Variants in NBEA observed in about 807,000 individuals in gnomAD.
The protein encoded by NBEA is lysosomal-trafficking regulator 2.
Under a neutral mutation model 343.4 loss-of-function variants are expected in NBEA, and 44 were observed. The ratio of observed to expected loss-of-function variants is 0.13; its 90% CI spans 0.10 to 0.16. NBEA has a LOEUF of 0.16. NBEA is among the 10% of genes least tolerant of loss of function. The pLI, the probability that NBEA is intolerant of heterozygous loss-of-function variation, is 1.00. For missense variants in NBEA, 2,555 were observed against 3,631.3 expected (o/e 0.70, Z 7.62); for synonymous variants, 1,175 against 1,238.7 (o/e 0.95, Z 1.08).
chr13:35,584,313 C>A (rs964056446), intron 46 of NBEA, among the ~76,000 whole-genome samples: 3 of 145,534 alleles, frequency 2.1e-5, no homozygotes, highest in Non-Finnish European at 4.5e-5. Flanking sequence ...TGAGTACATA[C>A]CTTTTTTTTT....
At chr13:34,959,545 A>G (rs1356730831) in intron 1 of NBEA, among the ~76,000 whole-genome samples, 1 of 152,086 alleles carries the variant, frequency 6.6e-6, no homozygotes, top group Non-Finnish European at 1.5e-5. Flanking sequence ...ATAAAAAAAA[A>G]TGTTCATTTT....
chr13:35,125,792 T>A (rs919061503), intron 17 of NBEA, among the ~76,000 whole-genome samples: 1 of 152,110 alleles, frequency 6.6e-6, no homozygotes, highest in Non-Finnish European at 1.5e-5. Flanking sequence ...GCATTTTGAT[T>A]TAAAAATTTC....
chr13:35,011,140 C>T (rs912476989), intron 1 of NBEA, among the ~76,000 whole-genome samples: 1 of 151,814 alleles, frequency 6.6e-6, no homozygotes, highest in Non-Finnish European at 1.5e-5. Context: ...GGTAGTTCAT[C>T]CACAAGAGAA....
At chr13:35,066,857 C>T (rs944311134) in intron 8 of NBEA, among the ~76,000 whole-genome samples, 14 of 151,668 alleles carry the variant, frequency 9.2e-5, no homozygotes, top group Non-Finnish European at 1.9e-4. Flanking sequence ...TTTATTTCTT[C>T]TTTACTGCTT....
chr13:35,612,355 A>AT lies in NBEA; in HGVS notation c.7449+5778dup, dbSNP rs2082559839. Among the ~76,000 whole-genome samples, 5 of 152,030 alleles carry AT rather than the reference A, an allele frequency of 3.3e-5. No homozygotes were observed. The South Asian group carries it at 1.0e-3, about 32-fold the overall frequency. On this transcript the variant is annotated intron_variant, in intron 48 of 58. Transcript: ENST00000379939. ...CACCGTGTTAGCCAGAGTGGTCTCG[A>AT]TCTCCTGACCTCATGATCTGCCCAC...
At chr13:35,656,943 G>A (rs2153082748) in intron 55 of NBEA, among the ~76,000 whole-genome samples, 1 of 152,290 alleles carries the variant, frequency 6.6e-6, no homozygotes, top group East Asian at 1.9e-4. Context: ...ACATTGCGTG[G>A]CTGGCTGCTG....
At chr13:35,478,332 C>A (rs2075971732) in intron 41 of NBEA, among the ~76,000 whole-genome samples, 1 of 152,194 alleles carries the variant, frequency 6.6e-6, no homozygotes, top group Admixed American at 6.5e-5. Flanking sequence ...TCTGGGAACA[C>A]CCAAAAAACC....
chr13:35,158,368 G>T (rs1040228660), intron 21 of NBEA, among the ~76,000 whole-genome samples: 5 of 151,946 alleles, frequency 3.3e-5, no homozygotes, highest in African/African-American at 1.2e-4. Flanking sequence ...ATTTTGTGAA[G>T]TATTGACACC....
chr13:35,140,333 CAT>C (rs141816361), intron 17 of NBEA, among the ~76,000 whole-genome samples: 1,662 of 152,178 alleles, frequency 0.011, 13 homozygotes, highest in Non-Finnish European at 0.018. Context: ...CTAATTTAGA[CAT>C]ATGTTTACCA....
At chr13:35,356,491 A>G (rs1462689061) in intron 38 of NBEA, among the ~76,000 whole-genome samples, 1 of 152,188 alleles carries the variant, frequency 6.6e-6, no homozygotes, top group Non-Finnish European at 1.5e-5. Context: ...CAACTTGTAA[A>G]TGCAAGAAAA....
chr13:35,312,345 A>AG (rs1212936964), intron 36 of NBEA, among the ~76,000 whole-genome samples: 1 of 151,620 alleles, frequency 6.6e-6, no homozygotes, highest in Non-Finnish European at 1.5e-5. Flanking sequence ...CAGCCAAGTG[A>AG]GAAAAAAAAG....
At chr13:35,422,388 A>G (rs2044346507) in intron 38 of NBEA, among the ~76,000 whole-genome samples, 1 of 145,074 alleles carries the variant, frequency 6.9e-6, no homozygotes, top group Non-Finnish European at 1.5e-5. Context: ...TATGAGTGAG[A>G]ACATGCGGTG....
chr13:35,086,920 T>C (rs2064800398), intron 10 of NBEA, among the ~76,000 whole-genome samples: 1 of 152,126 alleles, frequency 6.6e-6, no homozygotes, highest in Non-Finnish European at 1.5e-5. Context: ...TTTTTTCATA[T>C]ACCTGTTGAC....
chr13:35,102,257 C>A (rs1178525073), intron 11 of NBEA, among the ~76,000 whole-genome samples: 1 of 151,678 alleles, frequency 6.6e-6, no homozygotes, highest in Non-Finnish European at 1.5e-5. Context: ...AATCAGATGA[C>A]CATGTATGAC....
intron 8 of NBEA, among the ~76,000 whole-genome samples, chr13:35,062,961 A>G (rs1292380649): frequency 6.6e-6 from 1 of 151,956 alleles, no homozygotes; most frequent in Non-Finnish European, 1.5e-5. Context: ...GATGTTGACT[A>G]CAATTCAATG....
intron 53 of NBEA, among the ~76,000 whole-genome samples, chr13:35,652,191 A>T (rs980325022): frequency 1.3e-5 from 2 of 152,126 alleles, no homozygotes; most frequent in Admixed American, 6.5e-5. Flanking sequence ...TAAGGATTCA[A>T]AAAGATTACT....
intron 38 of NBEA, among the ~76,000 whole-genome samples, chr13:35,397,268 G>T (rs1429363249): frequency 6.6e-6 from 1 of 152,090 alleles, no homozygotes; most frequent in African/African-American, 2.4e-5. Context: ...TTCCCTGCAG[G>T]CTGTCTCTAC....
intron 47 of NBEA, 30 bp from the exon 48 acceptor site, chr13:35,606,396 T>A (rs1229743623): frequency 7.4e-7 from 1 of 1,348,098 alleles, no homozygotes; most frequent in African/African-American, 1.5e-5. Flanking sequence ...TATAAAGTGG[T>A]TTAATATGCT....
At chr13:34,995,423 GA>G (rs35718599) in intron 1 of NBEA, among the ~76,000 whole-genome samples, 10 of 143,640 alleles carry the variant, frequency 7.0e-5, no homozygotes, top group African/African-American at 2.1e-4. Context: ...CCTGTCTCAA[GA>G]AAAAAAAAAA....
Sources: gnomAD v4.1 joint callset for allele counts (sites outside exome capture counted in the v4.1 genomes callset) on GRCh38, gnomAD v4.1.1 for gene constraint, MANE v1.5 for transcripts, NCBI Gene and HGNC (gene_info 2026-07-23, HGNC 2026-07-21) for gene names.